Variants in RSRP1 observed in about 807,000 individuals in gnomAD.
RSRP1 encodes arginine/serine-rich protein 1.
Under a neutral mutation model 33.0 loss-of-function variants are expected in RSRP1, and 37 were observed. That is an observed-to-expected ratio of 1.12 (90% CI 0.86 to 1.48). The LOEUF (loss-of-function observed/expected upper bound fraction) is 1.48. Ranked by LOEUF, RSRP1 falls within the 40% of genes most tolerant of loss-of-function variation. RSRP1 has a pLI of 0.00. For synonymous variants in RSRP1, 167 were observed against 158.7 expected, an observed-to-expected ratio of 1.05 and a Z score of -0.40; for missense variants, 402 against 385.3, an observed-to-expected ratio of 1.04 and a Z score of -0.36.
chr1:25,261,746 G>C (rs1963146), intron 1 of RSRP1, among the ~76,000 whole-genome samples: 8 of 116,564 alleles, frequency 6.9e-5, no homozygotes, highest in East Asian at 5.1e-4. Context: ...GAGTCTTGCT[G>C]TGTTGCCCAG....
intron 3 of RSRP1, chr1:25,244,830 T>C (rs1639209829): frequency 2.1e-6 from 2 of 944,304 alleles, no homozygotes; most frequent in Non-Finnish European, 1.4e-6. Flanking sequence ...ACTACAGGCA[T>C]GCACCACCAT....
intron 2 of RSRP1, among the ~76,000 whole-genome samples, chr1:25,245,821 A>C (rs1224590473): frequency 6.6e-6 from 1 of 152,176 alleles, no homozygotes; most frequent in African/African-American, 2.4e-5. Flanking sequence ...TCTGAAAACC[A>C]GGTTTTTCTG....
chr1:25,312,615 T>G (rs1644206177), intron 1 of RSRP1, among the ~76,000 whole-genome samples: 1 of 129,220 alleles, frequency 7.7e-6, no homozygotes, highest in African/African-American at 2.6e-5. Flanking sequence ...CCAGGTATTG[T>G]GGCATATACC....
chr1:25,262,005 C>A (rs1162588112), intron 1 of RSRP1, among the ~76,000 whole-genome samples: 1 of 152,138 alleles, frequency 6.6e-6, no homozygotes, highest in East Asian at 1.9e-4. Context: ...AGCCACTGTG[C>A]CTGGCCAAAA....
chr1:25,318,977 T>C (rs116288488), intron 1 of RSRP1, among the ~76,000 whole-genome samples: 1,400 of 133,172 alleles, frequency 0.011, 8 homozygotes, highest in African/African-American at 0.033. Context: ...GGAGTAGCGT[T>C]AATTCCGTAA....
upstream of RSRP1, among the ~76,000 whole-genome samples, chr1:25,249,184 CA>C (rs1389774338): frequency 1.3e-5 from 2 of 152,028 alleles, no homozygotes; most frequent in African/African-American, 4.8e-5. Flanking sequence ...ACGAGTTTCA[CA>C]TTTGACAAGT....
rs1311799056 is a variant in RSRP1 at position 25,291,870 on chromosome 1, A to G, written c.-66-44841T>C. Among the ~76,000 whole-genome samples the G allele has an allele frequency of 2.3e-5, 3 of 132,658 alleles. 1 individual carries two copies. The highest frequency in any genetic ancestry group is 8.3e-3 in the Middle Eastern group (2 of 240). 87.0% of individuals were successfully genotyped at this position (132,658 alleles called of 152,430 possible). A position where few individuals can be genotyped will look rare whatever the true frequency, so the allele number is the denominator to read the frequency against. Reference sequence around the variant, plus strand: ...GAGTGAGGACATAGCCAACCTTCCCATCTCATAGGTGAGAAAGCTGATGCC... The same window carrying G: ...GAGTGAGGACATAGCCAACCTTCCCGTCTCATAGGTGAGAAAGCTGATGCC... On this transcript the variant is annotated intron_variant, in intron 1 of 1. Coordinates refer to the RSRP1 transcript ENST00000561867.
rs878988558 is a variant in RSRP1, at chr1:25,246,530, G to C, written c.434C>G (p.Thr145Arg). The change falls in exon 2 of 5, where the codon ACA (threonine) becomes AGA (arginine). Residue 145 changes from threonine to arginine, a missense_variant. Physicochemically the swap from Thr to Arg is moderately conservative, Grantham distance 71. Coordinates refer to ENST00000243189, the MANE Select transcript of RSRP1 (RefSeq NM_020317.5). ...RGQRYYGFGR[T>R]VYPEEHSRWR... ...TCTGCTGTGCTCCTCCGGGTACACT[G>C]TGCGACCAAAGCCGTAGTAGCGCTG... 2 of 1,614,228 alleles carry C rather than the reference G, an allele frequency of 1.2e-6. No individual in the cohort carries two copies. The highest frequency in any genetic ancestry group is 1.1e-5 in the South Asian group (1 of 91,086).
chr1:25,311,175 C>T (rs575653635), intron 1 of RSRP1, among the ~76,000 whole-genome samples: 1 of 131,578 alleles, frequency 7.6e-6, no homozygotes, highest in African/African-American at 2.6e-5. Flanking sequence ...TGAAGAACCA[C>T]GTGTTGGAAA....
chr1:25,287,472 G>A (rs1255318378), intron 1 of RSRP1, among the ~76,000 whole-genome samples: 1 of 135,066 alleles, frequency 7.4e-6, no homozygotes, highest in African/African-American at 2.6e-5. Flanking sequence ...CTTCCTGACC[G>A]GTTCCCGTCA....
chr1:25,244,071 TAAG>T, intron 3 of RSRP1: 4 of 1,207,008 alleles, frequency 3.3e-6, no homozygotes, highest in Non-Finnish European at 4.2e-6. Context: ...TTTTTTTTTT[TAAG>T]CCCCCGAGAC....
chr1:25,322,074 G>A, intron 1 of RSRP1: 2 of 582,896 alleles, frequency 3.4e-6, no homozygotes, highest in East Asian at 2.7e-5. Context: ...CAAAAATGGA[G>A]TAAGGAGCAT....
chr1:25,252,839 C>G (rs1003946370), intron 1 of RSRP1, among the ~76,000 whole-genome samples: 2 of 148,850 alleles, frequency 1.3e-5, no homozygotes, highest in African/African-American at 5.0e-5. Flanking sequence ...CTGGCCTGAC[C>G]TTTTTATAGT....
At chr1:25,301,760 C>T in intron 1 of RSRP1, 1 of 1,086,962 alleles carries the variant, frequency 9.2e-7, no homozygotes, top group Non-Finnish European at 1.4e-6. Context: ...CCCTCCCCAC[C>T]CCAGGGCCAG....
rs1388569188 is a variant in RSRP1, at chr1:25,269,713, A to G, written c.-66-22684T>C. ...CCTTTTATAAGAGTCAGAGGGGAAG[A>G]GCAAAACCTCTGCTTTTGACAAATC... On this transcript the variant is annotated intron_variant, in intron 1 of 1. Coordinates refer to the RSRP1 transcript ENST00000561867. Among the ~76,000 whole-genome samples the G allele has an allele frequency of 3.0e-5, 4 of 133,080 alleles. 2 individuals carry two copies. Among genetic ancestry groups the G allele is most frequent in the Non-Finnish European group, 7.1e-5 (4 of 56,026 alleles). 87.3% of individuals were successfully genotyped at this position (133,080 alleles called of 152,430 possible). A position where few individuals can be genotyped will look rare whatever the true frequency, so the allele number is the denominator to read the frequency against.
At position 25,309,459 on chromosome 1, in the gene RSRP1, G is replaced by A. The variant is rs188240986; in HGVS notation, c.-67+28519C>T. Reference sequence around the variant, plus strand: ...ATTTTAGCAACATTTTGTTTTCATTGTATCTCTTTTTACAGCTACCTCCCA... The same window carrying A: ...ATTTTAGCAACATTTTGTTTTCATTATATCTCTTTTTACAGCTACCTCCCA... On this transcript the variant is annotated intron_variant, in intron 1 of 1. Transcript: ENST00000561867. Among the ~76,000 whole-genome samples the A allele has an allele frequency of 3.0e-5, 4 of 131,476 alleles. 1 individual carries two copies. Among genetic ancestry groups the A allele is most frequent in the African/African-American group, 1.1e-4 (4 of 37,994 alleles). 86.3% of individuals were successfully genotyped at this position (131,476 alleles called of 152,430 possible).
rs1402629612 is a variant in RSRP1, at chr1:25,245,241, T to C, written c.581A>G (p.Asn194Ser). The C allele has an allele frequency of 1.2e-6, 2 of 1,614,132 alleles. No individual in the cohort carries two copies. The highest frequency in any genetic ancestry group is 1.1e-5 in the South Asian group (1 of 91,076). ...TNAAKALGTT[N>S]IDLPASLRTV... ...TCTGAGACTAGCTGGCAAGTCAATGTTGGTTGTTCCTAGAGCTTTCGCTGC... is the reference window on the plus strand; with the variant it reads ...TCTGAGACTAGCTGGCAAGTCAATGCTGGTTGTTCCTAGAGCTTTCGCTGC... The change falls in exon 3 of 5, where the codon AAC (asparagine) becomes AGC (serine). Residue 194 changes from asparagine (N) to serine (S), a missense_variant. Coordinates refer to ENST00000243189, the MANE Select transcript of RSRP1 (RefSeq NM_020317.5).
rs1345098926 is a variant in RSRP1, at chr1:25,318,596, G to C, written c.-67+19382C>G. On this transcript the variant is annotated intron_variant, in intron 1 of 1. Transcript: ENST00000561867. ...GAGTGAGACTGTCTCAAAAAAAAAA[G>C]AAAGAAAATATACATTCCATCCAGA... 6.9e-5 allele frequency among the ~76,000 whole-genome samples: 9 copies of C among 130,414 alleles called. No homozygotes were observed. The East Asian group carries it at 1.8e-3, about 26-fold the overall frequency. The allele number at this position is 130,414 out of a possible 152,430, so 85.6% of individuals were successfully genotyped here.
chr1:25,321,933 A>C lies in RSRP1; in HGVS notation c.-67+16045T>G, dbSNP rs371015060. 4 of 1,335,482 alleles carry C rather than the reference A, an allele frequency of 3.0e-6. 1 individual carries two copies. In the African/African-American group the frequency reaches 5.7e-5, roughly 19 times the overall value. The allele number at this position is 1,335,482 out of a possible 1,614,324, so 82.7% of individuals were successfully genotyped here. A position where few individuals can be genotyped will look rare whatever the true frequency, so the allele number is the denominator to read the frequency against. ...AATATGGAAAGCACCTCATGAGGCTAAATATTTTGATGACCAAGTTTTCTG... is the reference window on the plus strand; with the variant it reads ...AATATGGAAAGCACCTCATGAGGCTCAATATTTTGATGACCAAGTTTTCTG... On this transcript the variant is annotated intron_variant, in intron 1 of 1. Coordinates refer to the RSRP1 transcript ENST00000561867.
Sources: allele counts gnomAD v4.1 joint callset (sites outside exome capture counted in the v4.1 genomes callset), GRCh38; gene constraint gnomAD v4.1.1; transcripts MANE v1.5; gene names NCBI Gene and HGNC (gene_info 2026-07-23, HGNC 2026-07-21).